The following ERC1 variants were observed in gnomAD, a reference collection of about 807,000 sequenced individuals.
ERC1 encodes the protein ELKS/RAB6-interacting/CAST family member 1.
A neutral mutation model predicts 132.0 loss-of-function variants in ERC1; 56 were observed. The ratio of observed to expected loss-of-function variants is 0.42; its 90% CI spans 0.34 to 0.53. The LOEUF (loss-of-function observed/expected upper bound fraction) is 0.53. Ranked by LOEUF, ERC1 falls within the 20% of genes least tolerant of loss-of-function variation. ERC1 has a pLI of 0.03. For missense variants in ERC1, 1,202 were observed against 1,349.9 expected, an observed-to-expected ratio of 0.89 and a Z score of 1.72; for synonymous variants, 478 against 476.1, an observed-to-expected ratio of 1.00 and a Z score of -0.05.
intron 14 of ERC1, among the ~76,000 whole-genome samples, chr12:1,287,543 G>A (rs768991796): frequency 4.6e-5 from 7 of 152,222 alleles, no homozygotes; most frequent in Non-Finnish European, 8.8e-5. Flanking sequence ...TTAAAGGCCT[G>A]AGTAGAACAA....
intron 2 of ERC1, among the ~76,000 whole-genome samples, chr12:1,049,183 G>T (rs16932147): frequency 0.083 from 12,610 of 152,122 alleles, 709 homozygotes; most frequent in South Asian, 0.18. Flanking sequence ...AAATATTTGC[G>T]CATTACCGTC....
intron 7 of ERC1, among the ~76,000 whole-genome samples, chr12:1,140,415 T>C (rs1276232484): frequency 6.6e-6 from 1 of 152,206 alleles, no homozygotes; most frequent in Non-Finnish European, 1.5e-5. Context: ...TGCATTATAC[T>C]TATGCTTACT....
intron 14 of ERC1, among the ~76,000 whole-genome samples, chr12:1,284,265 C>T (rs1169039400): frequency 7.1e-5 from 10 of 140,082 alleles, no homozygotes; most frequent in Non-Finnish European, 1.4e-4. Context: ...GAATAGTATT[C>T]GTGTGTGTGT....
At chr12:1,336,095 G>C (rs1397370850) in intron 15 of ERC1, among the ~76,000 whole-genome samples, 1 of 151,984 alleles carries the variant, frequency 6.6e-6, no homozygotes, top group Non-Finnish European at 1.5e-5. Context: ...ATTTCTGTGG[G>C]TTCGGTAATA....
chr12:1,118,166 C>A (rs1331556235), intron 7 of ERC1, among the ~76,000 whole-genome samples: 2 of 152,140 alleles, frequency 1.3e-5, no homozygotes, highest in East Asian at 3.9e-4. Flanking sequence ...GCAAAAGGGT[C>A]AGAAGAGGGT....
intron 13 of ERC1, among the ~76,000 whole-genome samples, chr12:1,246,520 T>C (rs1016830402): frequency 1.3e-5 from 2 of 152,148 alleles, no homozygotes; most frequent in African/African-American, 2.4e-5. Flanking sequence ...GACAAACTGA[T>C]GGTTGTGAAA....
At position 1,352,324 on chromosome 12, in the gene ERC1, G is replaced by A. The variant is rs536452725; in HGVS notation, c.2781-19509G>A. ...CTGAGCTGAACCAGCAAGGGCAAAA[G>A]GGATTTAAGAGACTGCCGTTTTAAT... On this transcript the variant is annotated intron_variant, in intron 15 of 18. Transcript: ENST00000360905. Among the ~76,000 whole-genome samples, 46 of 152,278 alleles carry A rather than the reference G, an allele frequency of 3.0e-4. 1 individual carries two copies. Among genetic ancestry groups the A allele is most frequent in the Admixed American group, 2.9e-3 (45 of 15,288 alleles).
At chr12:1,236,712 C>T (rs2075437338) in intron 12 of ERC1, 57 bp from the exon 13 acceptor site, 8 of 1,533,454 alleles carry the variant, frequency 5.2e-6, no homozygotes, top group Non-Finnish European at 5.3e-6. Flanking sequence ...TCTAGATAAA[C>T]ATATTTGTTT....
chr12:1,271,807 A>G (rs183230661), intron 14 of ERC1, among the ~76,000 whole-genome samples: 210 of 152,332 alleles, frequency 1.4e-3, no homozygotes, highest in African/African-American at 4.5e-3. Context: ...TCAACCAGAA[A>G]CTAAGTTCAA....
At position 1,473,593 on chromosome 12, in the gene ERC1, G is replaced by A. The variant is rs116018971; in HGVS notation, c.3214-16500G>A. Among the ~76,000 whole-genome samples the A allele has an allele frequency of 4.5e-3, 632 of 139,458 alleles. 6 individuals carry two copies. Among genetic ancestry groups the A allele is most frequent in the African/African-American group, 0.016 (597 of 37,154 alleles). The allele number at this position is 139,458 out of a possible 152,430, so 91.5% of individuals were successfully genotyped here. On this transcript the variant is annotated intron_variant, in intron 18 of 18. Coordinates refer to ENST00000360905, the MANE Select transcript of ERC1 (RefSeq NM_178040.4). Reference sequence around the variant, plus strand: ...TGCAGTGAGCTGTGATCTCGCCACCGCACTCCAGCCTGGGGGACAGAGTGA... The same window carrying A: ...TGCAGTGAGCTGTGATCTCGCCACCACACTCCAGCCTGGGGGACAGAGTGA...
chr12:1,482,122 A>G (rs531039901), intron 18 of ERC1, among the ~76,000 whole-genome samples: 58 of 152,088 alleles, frequency 3.8e-4, no homozygotes, highest in Non-Finnish European at 7.6e-4. Flanking sequence ...AGTGATGCCC[A>G]TGTCTGGCCA....
chr12:1,330,852 A>G (rs967689751), intron 15 of ERC1, among the ~76,000 whole-genome samples: 2 of 151,808 alleles, frequency 1.3e-5, no homozygotes, highest in African/African-American at 4.8e-5. Context: ...TCTCTTTTTT[A>G]TCTCTTTATG....
rs376372967 is a variant in ERC1 at position 1,094,415 on chromosome 12, C to CTCTTT, written c.1087-10334_1087-10333insCTTTT. ...TTTATTTAAGTTATTCCTTCTCTCT[C>CTCTTT]TTTTTTTTTTTTGGCAACAGAGTCT... On this transcript the variant is annotated intron_variant, in intron 3 of 18. Transcript: ENST00000360905. Among the ~76,000 whole-genome samples, 76 of 138,032 alleles carry CTCTTT rather than the reference C, an allele frequency of 5.5e-4. 5 individuals carry two copies. Among genetic ancestry groups the CTCTTT allele is most frequent in the Non-Finnish European group, 6.5e-4 (41 of 63,274 alleles). The allele number at this position is 138,032 out of a possible 152,430, so 90.6% of individuals were successfully genotyped here. A position where few individuals can be genotyped will look rare whatever the true frequency, so the allele number is the denominator to read the frequency against.
intron 13 of ERC1, among the ~76,000 whole-genome samples, chr12:1,262,283 C>T (rs890436564): frequency 2.6e-5 from 4 of 152,222 alleles, no homozygotes; most frequent in Non-Finnish European, 5.9e-5. Flanking sequence ...CTTAAGATCT[C>T]TCCTATCTTA....
intron 14 of ERC1, among the ~76,000 whole-genome samples, chr12:1,272,917 T>C (rs7971585): frequency 0.4 from 57,095 of 141,390 alleles, 11,641 homozygotes; most frequent in Middle Eastern, 0.53. Context: ...CACTGCACTC[T>C]AGCCTCAGTG....
intron 8 of ERC1, among the ~76,000 whole-genome samples, chr12:1,160,266 A>T (rs528038737): frequency 2.6e-4 from 39 of 152,332 alleles, no homozygotes; most frequent in African/African-American, 8.7e-4. Context: ...GATTTAGGTG[A>T]TACATTGTAA....
chr12:1,207,362 A>G (rs1348753278), intron 12 of ERC1, among the ~76,000 whole-genome samples: 2 of 152,136 alleles, frequency 1.3e-5, no homozygotes, highest in Non-Finnish European at 2.9e-5. Context: ...CATAAAATCT[A>G]TTTACAAGGA....
chr12:1,028,507 A>C lies in ERC1; in HGVS notation c.604A>C (p.Lys202Gln). 1 of 1,614,188 alleles carries C rather than the reference A, an allele frequency of 6.2e-7. No individual in the cohort carries two copies. The highest frequency in any genetic ancestry group is 1.1e-5 in the South Asian group (1 of 91,086). ...GCTGAAGAAGGAACGAGCCCTGAGA[A>C]AAGATGAAGCTTCCAAAATCACCAT... Reference protein sequence around the residue: ...PELKKERALRKDEASKITIWK... With the variant: ...PELKKERALRQDEASKITIWK... Residue 202 changes from lysine to glutamine, a missense_variant, in exon 2 of 19, where the codon AAA (lysine) becomes CAA (glutamine). By Grantham distance (53) the Lys-to-Gln change is moderately conservative. Coordinates refer to ENST00000360905, the MANE Select transcript of ERC1 (RefSeq NM_178040.4).
intron 2 of ERC1, among the ~76,000 whole-genome samples, chr12:1,031,297 A>G (rs145199375): frequency 6.2e-4 from 94 of 152,340 alleles, no homozygotes; most frequent in African/African-American, 2.2e-3. Flanking sequence ...CTTTACTGAA[A>G]TATCTCTATG....
Sources: gnomAD v4.1 joint callset for allele counts (sites outside exome capture counted in the v4.1 genomes callset) on GRCh38, gnomAD v4.1.1 for gene constraint, MANE v1.5 for transcripts, NCBI Gene and HGNC (gene_info 2026-07-23, HGNC 2026-07-21) for gene names.